CFAP221: variants seen among roughly 807,000 people sequenced by gnomAD.
The protein encoded by CFAP221 is cilia- and flagella-associated protein 221.
CFAP221 carries 97 observed loss-of-function variants against 113.1 expected under a neutral mutation model. That is an observed-to-expected ratio of 0.86 (90% CI 0.73 to 1.02). The LOEUF (loss-of-function observed/expected upper bound fraction) is 1.02. Ranked by LOEUF, CFAP221 falls within the 50% of genes least tolerant of loss-of-function variation. CFAP221 has a pLI of 0.00. For synonymous variants in CFAP221, 331 were observed against 354.4 expected, an observed-to-expected ratio of 0.93 and a Z score of 0.74; for missense variants, 1,025 against 1,013.4, an observed-to-expected ratio of 1.01 and a Z score of -0.16.
intron 6 of CFAP221, among the ~76,000 whole-genome samples, chr2:119,565,686 G>A (rs560570550): frequency 2.0e-5 from 3 of 152,268 alleles, no homozygotes; most frequent in South Asian, 2.1e-4. Flanking sequence ...AGATAAGCAT[G>A]CTACTGTTTT....
chr2:119,549,624 T>C (rs936354775), intron 3 of CFAP221, among the ~76,000 whole-genome samples: 1 of 152,216 alleles, frequency 6.6e-6, no homozygotes, highest in African/African-American at 2.4e-5. Context: ...GCTGCCTTTC[T>C]CCAGATCACT....
intron 7 of CFAP221, among the ~76,000 whole-genome samples, chr2:119,592,474 G>A (rs930144296): frequency 3.9e-5 from 6 of 152,118 alleles, no homozygotes; most frequent in African/African-American, 7.2e-5. Context: ...CGGCTTTGTC[G>A]TACCCTTCTA....
At position 119,636,364 on chromosome 2, in the gene CFAP221, A is replaced by G. The variant is rs1021217348; in HGVS notation, c.1975-1895A>G. 3.3e-5 allele frequency among the ~76,000 whole-genome samples: 5 copies of G among 152,224 alleles called. 1 individual carries two copies. Among genetic ancestry groups the G allele is most frequent in the African/African-American group, 1.2e-4 (5 of 41,456 alleles). The stretch of plus-strand genomic sequence containing the variant: ...AGAAAAGGTACAGAAAAGCAGAAGA[A>G]TGATGTTTTGATTTCACCTGAAGGG... On this transcript the variant is annotated intron_variant, in intron 19 of 23. Transcript: ENST00000413369.
In CFAP221 at chr2:119,647,046, GA is replaced by G; in HGVS notation, c.2316del (p.Glu772AspfsTer9). 6.6e-7 allele frequency: 1 copy of G among 1,524,470 alleles called. No individual in the cohort carries two copies. The highest frequency in any genetic ancestry group is 1.9e-5 in the African/African-American group (1 of 51,716). The allele number at this position is 1,524,470 out of a possible 1,614,324, so 94.4% of individuals were successfully genotyped here. On this transcript the variant is annotated frameshift_variant, in exon 22 of 24. Transcript: ENST00000413369. LOFTEE classifies it high-confidence loss of function. The stretch of plus-strand genomic sequence containing the variant: ...AGAAGAGGACAGACTAGAAACAGTA[GA>G]ACGGTATTTTTTTTTTTTTTAATCT... ...LPEEDRLETV[E>X]RELCEQNVEV...
chr2:119,658,501 A>G (rs983644212), downstream of CFAP221, among the ~76,000 whole-genome samples: 1 of 152,086 alleles, frequency 6.6e-6, no homozygotes, highest in African/African-American at 2.4e-5. Flanking sequence ...TGGCATTTAG[A>G]AATCAAGACC....
At position 119,646,232 on chromosome 2, in the gene CFAP221, G is replaced by A. The variant is rs535438571; in HGVS notation, c.2226-726G>A. On this transcript the variant is annotated intron_variant, in intron 21 of 23. Coordinates refer to ENST00000413369, the MANE Select transcript of CFAP221 (RefSeq NM_001271049.2). ...TACTAGGACCAAAAGTAAACTACCT[G>A]TATTAGCCTGTTCTCTCATTGCTAT... Among the ~76,000 whole-genome samples, 3 of 152,156 alleles carry A rather than the reference G, an allele frequency of 2.0e-5. No individual in the cohort carries two copies. The South Asian group carries it at 6.2e-4, about 32-fold the overall frequency.
intron 14 of CFAP221, among the ~76,000 whole-genome samples, chr2:119,621,957 C>T (rs1403725079): frequency 6.6e-6 from 1 of 151,890 alleles, no homozygotes; most frequent in Non-Finnish European, 1.5e-5. Context: ...AATCGACACC[C>T]TAACATTATA....
downstream of CFAP221, among the ~76,000 whole-genome samples, chr2:119,657,967 T>G (rs1470363875): frequency 6.6e-6 from 1 of 152,236 alleles, no homozygotes; most frequent in African/African-American, 2.4e-5. Context: ...TTGGCTAAAG[T>G]GGTGTCTGCC....
At chr2:119,557,366 C>T (rs1488656734) in intron 3 of CFAP221, 3 of 152,270 alleles carry the variant, frequency 2.0e-5, no homozygotes, top group Admixed American at 1.3e-4. Context: ...TCACGAAGTC[C>T]CAGCTGCAGT....
At chr2:119,611,415 A>C (rs1370101988) in intron 12 of CFAP221, among the ~76,000 whole-genome samples, 2 of 67,180 alleles carry the variant, frequency 3.0e-5, no homozygotes, top group African/African-American at 8.8e-5. Context: ...AGAGCGAGAC[A>C]ACGTCAAAAA....
intron 7 of CFAP221, among the ~76,000 whole-genome samples, chr2:119,601,006 CTGTT>C (rs1684326174): frequency 6.6e-6 from 1 of 151,958 alleles, no homozygotes; most frequent in East Asian, 1.9e-4. Context: ...TGTTAATTGA[CTGTT>C]TATGTTATCT....
intron 19 of CFAP221, among the ~76,000 whole-genome samples, chr2:119,632,128 G>A (rs1686812527): frequency 6.6e-6 from 1 of 152,132 alleles, no homozygotes; most frequent in Non-Finnish European, 1.5e-5. Flanking sequence ...TCCAGGAAAT[G>A]GAAGAGAAGA....
chr2:119,577,799 A>G (rs1166160712), intron 6 of CFAP221, among the ~76,000 whole-genome samples: 1 of 152,256 alleles, frequency 6.6e-6, no homozygotes, highest in Non-Finnish European at 1.5e-5. Context: ...GGGGTAAGAT[A>G]ATCATTCGCT....
chr2:119,624,052 C>A lies in CFAP221; in HGVS notation c.1411-1531C>A, dbSNP rs549564817. ...ATTAAACTAAAGAGCTTCTGCACAGCAAAAGAAACTATCATCAGAGTGAAC... is the reference window on the plus strand; with the variant it reads ...ATTAAACTAAAGAGCTTCTGCACAGAAAAAGAAACTATCATCAGAGTGAAC... On this transcript the variant is annotated intron_variant, in intron 14 of 23. Transcript: ENST00000413369. 1.7e-3 allele frequency among the ~76,000 whole-genome samples: 259 copies of A among 152,194 alleles called. 1 individual carries two copies. Among genetic ancestry groups the A allele is most frequent in the African/African-American group, 5.7e-3 (237 of 41,524 alleles).
At chr2:119,644,788 G>A (rs1687695884) in intron 21 of CFAP221, among the ~76,000 whole-genome samples, 1 of 152,056 alleles carries the variant, frequency 6.6e-6, no homozygotes, top group Non-Finnish European at 1.5e-5. Context: ...TCACACCAAT[G>A]CCTACAGTTC....
At chr2:119,638,469 G>C (rs762172943) in intron 20 of CFAP221, 52 bp downstream of exon 20, 4 of 1,602,772 alleles carry the variant, frequency 2.5e-6, no homozygotes, top group Admixed American at 1.7e-5. Context: ...TGCAGGGAGG[G>C]GCAGGGGACA....
intron 7 of CFAP221, among the ~76,000 whole-genome samples, chr2:119,588,100 G>A (rs889356890): frequency 1.3e-5 from 2 of 152,172 alleles, no homozygotes; most frequent in Non-Finnish European, 2.9e-5. Context: ...AAAATAAATG[G>A]TCACTAAAAT....
chr2:119,599,737 A>G (rs1357176524), intron 7 of CFAP221, among the ~76,000 whole-genome samples: 10 of 152,032 alleles, frequency 6.6e-5, no homozygotes. Context: ...GTTGGTATTC[A>G]TGTCTTGACT....
At chr2:119,544,934 G>A (rs1679945518) in intron 1 of CFAP221, among the ~76,000 whole-genome samples, 1 of 151,994 alleles carries the variant, frequency 6.6e-6, no homozygotes, top group Non-Finnish European at 1.5e-5. Flanking sequence ...GGGAGGAGAC[G>A]GGCTGCAGGC....
Sources: gnomAD v4.1 joint callset for allele counts (sites outside exome capture counted in the v4.1 genomes callset) on GRCh38, gnomAD v4.1.1 for gene constraint, MANE v1.5 for transcripts, NCBI Gene and HGNC (gene_info 2026-07-23, HGNC 2026-07-21) for gene names.